The following SLC24A3 variants were observed in gnomAD, a reference collection of about 807,000 sequenced individuals.
SLC24A3 encodes the protein sodium/potassium/calcium exchanger 3.
Under a neutral mutation model 75.8 loss-of-function variants are expected in SLC24A3, and 28 were observed. That is an observed-to-expected ratio of 0.37 (90% confidence interval 0.27 to 0.51). The LOEUF (loss-of-function observed/expected upper bound fraction) is 0.51, where lower values mean the gene tolerates loss of function less well. Ranked by LOEUF, SLC24A3 falls within the 20% of genes least tolerant of loss-of-function variation. The pLI is 0.94. For synonymous variants in SLC24A3, 372 were observed against 334.1 expected, an observed-to-expected ratio of 1.11 and a Z score of -1.24; for missense variants, 663 against 847.8, an observed-to-expected ratio of 0.78 and a Z score of 2.71.
chr20:19,515,414 C>T (rs1053605659), intron 2 of SLC24A3, 74 bp from the exon 3 acceptor site: 1 of 1,425,448 alleles, frequency 7.0e-7, no homozygotes, highest in Non-Finnish European at 9.9e-7. Flanking sequence ...CATGTTAAAA[C>T]CAAGACTCCC....
At chr20:19,679,376 A>G (rs1600336450) in intron 9 of SLC24A3, among the ~76,000 whole-genome samples, 2 of 152,230 alleles carry the variant, frequency 1.3e-5, no homozygotes, top group East Asian at 1.9e-4. Context: ...GGCGGCACGC[A>G]CCTGCAATCG....
At chr20:19,333,144 G>A (rs1202054503) in intron 2 of SLC24A3, among the ~76,000 whole-genome samples, 1 of 152,192 alleles carries the variant, frequency 6.6e-6, no homozygotes, top group African/African-American at 2.4e-5. Context: ...CACACTTCAA[G>A]CCATGTGGCT....
chr20:19,288,664 T>G (rs1331341585), intron 2 of SLC24A3, among the ~76,000 whole-genome samples: 1 of 152,206 alleles, frequency 6.6e-6, no homozygotes, highest in Non-Finnish European at 1.5e-5. Flanking sequence ...GTTGATAGAT[T>G]AGTTAGTCTG....
chr20:19,537,409 A>G (rs1329033589), intron 3 of SLC24A3, among the ~76,000 whole-genome samples: 1 of 152,200 alleles, frequency 6.6e-6, no homozygotes, highest in African/African-American at 2.4e-5. Context: ...AGAAACAGGA[A>G]CACTTTTACA....
intron 6 of SLC24A3, among the ~76,000 whole-genome samples, chr20:19,648,158 C>G (rs1292441655): frequency 6.6e-6 from 1 of 152,166 alleles, no homozygotes; most frequent in Non-Finnish European, 1.5e-5. Context: ...TGAGACTGCC[C>G]TGTGGGAGGA....
intron 3 of SLC24A3, among the ~76,000 whole-genome samples, chr20:19,549,858 G>A (rs2030662627): frequency 6.6e-6 from 1 of 152,140 alleles, no homozygotes. Context: ...AACTGATGAG[G>A]GGTTAAATGA....
intron 2 of SLC24A3, among the ~76,000 whole-genome samples, chr20:19,441,419 T>C (rs897030887): frequency 6.6e-6 from 1 of 152,180 alleles, no homozygotes; most frequent in African/African-American, 2.4e-5. Context: ...ATGGACTCAA[T>C]GCACAGTCCC....
chr20:19,613,920 T>A (rs913107443), intron 6 of SLC24A3, among the ~76,000 whole-genome samples: 1 of 152,224 alleles, frequency 6.6e-6, no homozygotes, highest in Non-Finnish European at 1.5e-5. Flanking sequence ...TATTAAGATG[T>A]GAAATTCTTT....
chr20:19,380,866 C>T (rs192410528), intron 2 of SLC24A3, among the ~76,000 whole-genome samples: 23 of 152,296 alleles, frequency 1.5e-4, no homozygotes, highest in Admixed American at 1.5e-3. Flanking sequence ...CCTTTGACAT[C>T]CAGAATAATG....
chr20:19,437,180 G>A (rs1987219690), intron 2 of SLC24A3, among the ~76,000 whole-genome samples: 1 of 152,160 alleles, frequency 6.6e-6, no homozygotes, highest in East Asian at 1.9e-4. Context: ...GTTTGGCTCT[G>A]TATCCCCACC....
At chr20:19,222,598 G>A (rs1981746315) in intron 1 of SLC24A3, among the ~76,000 whole-genome samples, 1 of 152,122 alleles carries the variant, frequency 6.6e-6, no homozygotes, top group Non-Finnish European at 1.5e-5. Flanking sequence ...GAATGGGGAA[G>A]GTTTTTTCAA....
intron 12 of SLC24A3, 143 bp downstream of exon 12, chr20:19,685,504 G>C (rs762191962): frequency 7.5e-5 from 102 of 1,358,550 alleles, no homozygotes; most frequent in Non-Finnish European, 9.8e-5. Context: ...GTCTCCTTTG[G>C]GCAGGACTTT....
At chr20:19,329,227 GA>G (rs1247613767) in intron 2 of SLC24A3, among the ~76,000 whole-genome samples, 9 of 151,908 alleles carry the variant, frequency 5.9e-5, no homozygotes, top group Non-Finnish European at 7.4e-5. Flanking sequence ...ATGGGAATAA[GA>G]TTTTTTTTTT....
intron 2 of SLC24A3, among the ~76,000 whole-genome samples, chr20:19,511,328 AT>A (rs11478021): frequency 0.24 from 33,837 of 140,562 alleles, 3,988 homozygotes; most frequent in Middle Eastern, 0.29. Flanking sequence ...GCTTAGCTCA[AT>A]TTTTTTTTTT....
At chr20:19,625,644 T>TAATAACAGCTGTC (rs1568677032) in intron 6 of SLC24A3, among the ~76,000 whole-genome samples, 1 of 152,174 alleles carries the variant, frequency 6.6e-6, no homozygotes, top group Non-Finnish European at 1.5e-5. Flanking sequence ...TTGCAGCTGC[T>TAATAACAGCTGTC]AATAACAGCT....
At chr20:19,496,828 G>A (rs1988296165) in intron 2 of SLC24A3, among the ~76,000 whole-genome samples, 1 of 152,104 alleles carries the variant, frequency 6.6e-6, no homozygotes, top group Non-Finnish European at 1.5e-5. Flanking sequence ...GGCTTTCCAG[G>A]GAGGAGGACA....
chr20:19,500,340 A>T (rs1223193961), intron 2 of SLC24A3, among the ~76,000 whole-genome samples: 1 of 152,126 alleles, frequency 6.6e-6, no homozygotes, highest in African/African-American at 2.4e-5. Flanking sequence ...CTTGTTCAGG[A>T]TCCCCATGGG....
At chr20:19,372,404 T>C (rs2876527) in intron 2 of SLC24A3, among the ~76,000 whole-genome samples, 87,885 of 152,058 alleles carry the variant, frequency 0.58, 27,818 homozygotes, top group African/African-American at 0.85. Context: ...ACTTAGCATC[T>C]GGCTCAGCCA....
At chr20:19,391,284 A>G (rs1986360457) in intron 2 of SLC24A3, among the ~76,000 whole-genome samples, 1 of 152,180 alleles carries the variant, frequency 6.6e-6, no homozygotes, top group Admixed American at 6.5e-5. Flanking sequence ...AACCACCAGT[A>G]GTGTCTTGAT....
Sources: gnomAD v4.1 joint callset for allele counts (sites outside exome capture counted in the v4.1 genomes callset) on GRCh38, gnomAD v4.1.1 for gene constraint, MANE v1.5 for transcripts, NCBI Gene and HGNC (gene_info 2026-07-23, HGNC 2026-07-21) for gene names.